The following ADAMTS17 variants were observed in gnomAD, a reference collection of about 807,000 sequenced individuals.
ADAMTS17 encodes A disintegrin and metalloproteinase with thrombospondin motifs 17.
ADAMTS17 carries 113 observed loss-of-function variants against 141.5 expected under a neutral mutation model. The observed-to-expected ratio is 0.80, with a 90% CI of 0.69 to 0.93. ADAMTS17 has a LOEUF of 0.93. ADAMTS17 is among the 40% of genes least tolerant of loss of function. The pLI is 0.00. For missense variants in ADAMTS17, 1,659 were observed against 1,517.9 expected, an observed-to-expected ratio of 1.09 and a Z score of -1.54; for synonymous variants, 768 against 630.6, an observed-to-expected ratio of 1.22 and a Z score of -3.27.
chr15:100,153,978 C>A (rs182668048), intron 9 of ADAMTS17, among the ~76,000 whole-genome samples: 1 of 152,158 alleles, frequency 6.6e-6, no homozygotes, highest in African/African-American at 2.4e-5. Context: ...ATCAGGAGTT[C>A]GAGGCCAGCC....
At chr15:100,266,613 CCCCCATCACCCT>C (rs1364097632) in intron 4 of ADAMTS17, among the ~76,000 whole-genome samples, 1 of 152,184 alleles carries the variant, frequency 6.6e-6, no homozygotes, top group Non-Finnish European at 1.5e-5. Flanking sequence ...TCTCACTGTG[CCCCCATCACCCT>C]CCCCATCACC....
At chr15:100,203,243 C>T (rs2141662094) in intron 7 of ADAMTS17, among the ~76,000 whole-genome samples, 1 of 152,284 alleles carries the variant, frequency 6.6e-6, no homozygotes, top group Admixed American at 6.5e-5. Flanking sequence ...ACAACAAACA[C>T]ACTCTTGAAA....
At chr15:100,298,435 T>C (rs1195422921) in intron 3 of ADAMTS17, among the ~76,000 whole-genome samples, 5 of 152,214 alleles carry the variant, frequency 3.3e-5, no homozygotes, top group African/African-American at 1.2e-4. Flanking sequence ...GACCCTGCGC[T>C]GGGTGCTCTC....
chr15:100,265,002 T>TA lies in ADAMTS17; in HGVS notation c.790-2568dup, dbSNP rs528064959. On this transcript the variant is annotated intron_variant, in intron 4 of 21. Transcript: ENST00000268070. Reference sequence around the variant, plus strand: ...AATTAAAAGTACAAAGTTAACGAATTAAAAAAATAAAGCTTCATGCTCTAA... The same window carrying TA: ...AATTAAAAGTACAAAGTTAACGAATTAAAAAAAATAAAGCTTCATGCTCTAA... Among the ~76,000 whole-genome samples the TA allele has an allele frequency of 7.2e-5, 11 of 152,228 alleles. No homozygotes were observed. In the South Asian group the frequency reaches 1.5e-3, roughly 20 times the overall value.
intron 18 of ADAMTS17, among the ~76,000 whole-genome samples, chr15:100,035,398 GA>G (rs2030609395): frequency 2.0e-5 from 3 of 152,124 alleles, no homozygotes; most frequent in South Asian, 4.1e-4. Context: ...TATTATCGAG[GA>G]AAGACTTACC....
intron 8 of ADAMTS17, among the ~76,000 whole-genome samples, chr15:100,166,819 T>C (rs1363046795): frequency 6.6e-6 from 1 of 152,198 alleles, no homozygotes; most frequent in Non-Finnish European, 1.5e-5. Flanking sequence ...TGTTCTTCAT[T>C]CTTTCAAGAG....
At chr15:100,249,872 A>G (rs560349144) in intron 7 of ADAMTS17, among the ~76,000 whole-genome samples, 2 of 152,298 alleles carry the variant, frequency 1.3e-5, no homozygotes, top group East Asian at 1.9e-4. Flanking sequence ...ACACTTAACA[A>G]TAACAGGTTA....
intron 8 of ADAMTS17, 55 bp downstream of exon 8, chr15:100,199,263 T>C (rs563315797): frequency 1.3e-6 from 2 of 1,484,554 alleles, no homozygotes; most frequent in East Asian, 4.5e-5. Flanking sequence ...AAGTGAAAAA[T>C]CTGCACTCAA....
rs147617352 is a variant in ADAMTS17 at position 100,315,461 on chromosome 15, TAACAC to T, written c.616+15423_616+15427del. Among the ~76,000 whole-genome samples the T allele has an allele frequency of 6.8e-3, 1,036 of 152,282 alleles. 14 individuals are homozygous for T. Among genetic ancestry groups the T allele is most frequent in the East Asian group, 0.058 (302 of 5,172 alleles). ...GATCTCCAGTGCTCAGAACAGGGCT[TAACAC>T]AGCATAAAGGAACATTAGTCAAGCA... is the stretch of plus-strand genomic sequence containing the variant. On this transcript the variant is annotated intron_variant, in intron 3 of 21. Transcript: ENST00000268070.
chr15:100,306,615 C>T (rs941556848), intron 3 of ADAMTS17: 1 of 455,196 alleles, frequency 2.2e-6, no homozygotes. Context: ...TGTCAAATCC[C>T]TGACCCACAG....
intron 14 of ADAMTS17, among the ~76,000 whole-genome samples, chr15:100,108,380 T>C (rs940302261): frequency 6.6e-6 from 1 of 152,192 alleles, no homozygotes; most frequent in East Asian, 1.9e-4. Context: ...TTCACCCTGT[T>C]GGCCAGGCTG....
chr15:100,025,812 T>G (rs1169034974), intron 18 of ADAMTS17, among the ~76,000 whole-genome samples: 1 of 152,208 alleles, frequency 6.6e-6, no homozygotes, highest in Non-Finnish European at 1.5e-5. Flanking sequence ...ATAATTACTG[T>G]GTATATTTTA....
intron 14 of ADAMTS17, among the ~76,000 whole-genome samples, chr15:100,108,618 C>T (rs1057303178): frequency 3.3e-5 from 5 of 152,236 alleles, no homozygotes; most frequent in African/African-American, 1.2e-4. Context: ...CCTGCACAGG[C>T]ATTGGCTCAG....
intron 18 of ADAMTS17, among the ~76,000 whole-genome samples, chr15:100,016,027 C>T (rs554796549): frequency 6.6e-6 from 1 of 152,324 alleles, no homozygotes; most frequent in Admixed American, 6.5e-5. Context: ...GGTTGTTTAA[C>T]ATAATCCCAG....
chr15:100,085,574 T>C (rs1475370483), intron 15 of ADAMTS17, among the ~76,000 whole-genome samples: 3 of 151,000 alleles, frequency 2.0e-5, no homozygotes, highest in African/African-American at 7.3e-5. Context: ...AAGGAAAAAA[T>C]GTTAAGGGCA....
intron 3 of ADAMTS17, among the ~76,000 whole-genome samples, chr15:100,318,500 G>A (rs1299664554): frequency 1.3e-5 from 2 of 152,094 alleles, no homozygotes; most frequent in African/African-American, 4.8e-5. Context: ...ACAGAGAGAA[G>A]GCACCATCTG....
intron 15 of ADAMTS17, among the ~76,000 whole-genome samples, chr15:100,095,307 G>C (rs566709820): frequency 6.6e-6 from 1 of 152,290 alleles, no homozygotes; most frequent in South Asian, 2.1e-4. Flanking sequence ...CTCTGGTTTT[G>C]CTTTCACAGG....
At chr15:100,316,227 C>A (rs992068669) in intron 3 of ADAMTS17, among the ~76,000 whole-genome samples, 2 of 152,180 alleles carry the variant, frequency 1.3e-5, no homozygotes, top group Non-Finnish European at 2.9e-5. Flanking sequence ...CCATGCCACC[C>A]CAACTTCTGC....
At chr15:100,102,067 G>C (rs1034027238) in intron 14 of ADAMTS17, among the ~76,000 whole-genome samples, 4 of 152,228 alleles carry the variant, frequency 2.6e-5, no homozygotes, top group Admixed American at 1.3e-4. Flanking sequence ...TAGAATTTCT[G>C]AGTTCTTCTG....
Sources: gnomAD v4.1 joint callset for allele counts (sites outside exome capture counted in the v4.1 genomes callset) on GRCh38, gnomAD v4.1.1 for gene constraint, MANE v1.5 for transcripts, NCBI Gene and HGNC (gene_info 2026-07-23, HGNC 2026-07-21) for gene names.